PDGFD: variants seen among roughly 807,000 people sequenced by gnomAD.
The protein encoded by PDGFD is platelet-derived growth factor D.
A neutral mutation model predicts 44.7 loss-of-function variants in PDGFD; 30 were observed. The ratio of observed to expected loss-of-function variants is 0.67; its 90% confidence interval spans 0.50 to 0.91. PDGFD has a LOEUF of 0.91. Ranked by LOEUF, PDGFD falls within the 40% of genes least tolerant of loss-of-function variation. The pLI is 0.00. For missense variants in PDGFD, 445 were observed against 457.8 expected (o/e 0.97, Z 0.25); for synonymous variants, 173 against 168.4 (o/e 1.03, Z -0.21).
intron 1 of PDGFD, among the ~76,000 whole-genome samples, chr11:104,041,053 T>C (rs2134399001): frequency 6.6e-6 from 1 of 152,230 alleles, no homozygotes; most frequent in East Asian, 1.9e-4. Flanking sequence ...AACTGCAAAA[T>C]TCTTACAAAA....
chr11:104,043,596 G>A (rs1301542407), intron 1 of PDGFD, among the ~76,000 whole-genome samples: 1 of 152,066 alleles, frequency 6.6e-6, no homozygotes, highest in Non-Finnish European at 1.5e-5. Flanking sequence ...CCTGTGGCTG[G>A]GTAATTTTTA....
At chr11:104,056,030 T>C (rs1369612311) in intron 1 of PDGFD, among the ~76,000 whole-genome samples, 1 of 152,190 alleles carries the variant, frequency 6.6e-6, no homozygotes, top group African/African-American at 2.4e-5. Flanking sequence ...AAGTTTCTAA[T>C]ATGATATAAA....
intron 1 of PDGFD, among the ~76,000 whole-genome samples, chr11:104,161,997 C>A (rs561912388): frequency 3.3e-5 from 5 of 150,314 alleles, no homozygotes; most frequent in Admixed American, 1.3e-4. Flanking sequence ...AAAGTAACTG[C>A]AAAACAGTTT....
intron 1 of PDGFD, among the ~76,000 whole-genome samples, chr11:104,111,138 C>T (rs149886520): frequency 6.6e-6 from 1 of 152,042 alleles, no homozygotes; most frequent in East Asian, 1.9e-4. Flanking sequence ...TCCTAACAGA[C>T]TCATAGTTTA....
chr11:104,007,515 A>C (rs1472216511), intron 1 of PDGFD, among the ~76,000 whole-genome samples: 1 of 152,224 alleles, frequency 6.6e-6, no homozygotes, highest in African/African-American at 2.4e-5. Flanking sequence ...AAAATATTTG[A>C]TCAAACAGTG....
chr11:103,992,914 T>G (rs1429121612), intron 3 of PDGFD, among the ~76,000 whole-genome samples: 2 of 152,158 alleles, frequency 1.3e-5, no homozygotes, highest in Non-Finnish European at 2.9e-5. Context: ...GGAGAGTCAC[T>G]GAGGCAGGAA....
At chr11:104,008,187 T>G (rs1427386421) in intron 1 of PDGFD, among the ~76,000 whole-genome samples, 1 of 152,180 alleles carries the variant, frequency 6.6e-6, no homozygotes, top group Non-Finnish European at 1.5e-5. Flanking sequence ...GGCTGAATAA[T>G]GTGGCAGATT....
At chr11:104,045,864 C>T (rs1860433588) in intron 1 of PDGFD, among the ~76,000 whole-genome samples, 2 of 146,768 alleles carry the variant, frequency 1.4e-5, no homozygotes, top group African/African-American at 5.0e-5. Context: ...AATGTGCTTA[C>T]GAACAGGACA....
intron 1 of PDGFD, among the ~76,000 whole-genome samples, chr11:104,111,093 A>G (rs534667357): frequency 1.3e-5 from 2 of 152,140 alleles, no homozygotes; most frequent in Admixed American, 6.6e-5. Context: ...TAATATAACA[A>G]TAACACTGAT....
rs1229777754 is a variant in PDGFD, at chr11:104,045,839, G to C, written c.125-45584C>G. Among the ~76,000 whole-genome samples, 2 of 147,172 alleles carry C rather than the reference G, an allele frequency of 1.4e-5. 1 individual carries two copies. The highest frequency in any genetic ancestry group is 3.0e-5 in the Non-Finnish European group (2 of 66,020). ...AAAGGGGTGAGGTAAAAGACAAGCA[G>C]GTTTTTGATAAAGAAATGTGCTTAC... On this transcript the variant is annotated intron_variant, in intron 1 of 6. Coordinates refer to ENST00000393158, the MANE Select transcript of PDGFD (RefSeq NM_025208.5).
intron 1 of PDGFD, among the ~76,000 whole-genome samples, chr11:104,079,655 G>A (rs1350186168): frequency 6.6e-6 from 1 of 152,164 alleles, no homozygotes; most frequent in Non-Finnish European, 1.5e-5. Flanking sequence ...CCAAAGTGCT[G>A]GGATTATAGG....
At chr11:104,050,246 A>T (rs1860511232) in intron 1 of PDGFD, among the ~76,000 whole-genome samples, 1 of 152,092 alleles carries the variant, frequency 6.6e-6, no homozygotes, top group South Asian at 2.1e-4. Context: ...CGTGGGTGTA[A>T]ATGCAGGTAC....
At chr11:104,028,388 A>C (rs892990071) in intron 1 of PDGFD, among the ~76,000 whole-genome samples, 1 of 151,476 alleles carries the variant, frequency 6.6e-6, no homozygotes, top group Non-Finnish European at 1.5e-5. Context: ...CTACGAACAC[A>C]AATTATGGCT....
chr11:104,138,341 A>G (rs897939425), intron 1 of PDGFD, among the ~76,000 whole-genome samples: 1 of 152,232 alleles, frequency 6.6e-6, no homozygotes, highest in Admixed American at 6.5e-5. Context: ...TATTCTAGAC[A>G]AAAATTGGCA....
At chr11:104,117,128 A>C (rs1204379408) in intron 1 of PDGFD, among the ~76,000 whole-genome samples, 1 of 152,028 alleles carries the variant, frequency 6.6e-6, no homozygotes, top group Non-Finnish European at 1.5e-5. Context: ...TAAAAACAAA[A>C]ATCAAATGAT....
At chr11:103,924,781 G>GAAC (rs1858278720) in intron 6 of PDGFD, among the ~76,000 whole-genome samples, 1 of 152,122 alleles carries the variant, frequency 6.6e-6, no homozygotes, top group African/African-American at 2.4e-5. Context: ...TGTTTAGAGA[G>GAAC]AACTACCTAT....
intron 1 of PDGFD, among the ~76,000 whole-genome samples, chr11:104,159,988 C>T (rs1862366502): frequency 6.6e-6 from 1 of 152,172 alleles, no homozygotes; most frequent in African/African-American, 2.4e-5. Flanking sequence ...ACTTTAATAT[C>T]CTTAGAGCTG....
chr11:103,947,602 G>T, intron 4 of PDGFD, 60 bp downstream of exon 4: 1 of 1,340,044 alleles, frequency 7.5e-7, no homozygotes. Context: ...GTCCTTTTGG[G>T]GTTGACCTTA....
intron 3 of PDGFD, among the ~76,000 whole-genome samples, chr11:103,991,919 G>T (rs1859459968): frequency 6.6e-6 from 1 of 152,124 alleles, no homozygotes. Context: ...TGTTTGTTCA[G>T]TTCTCTGTAC....
Sources: allele counts gnomAD v4.1 joint callset (sites outside exome capture counted in the v4.1 genomes callset), GRCh38; gene constraint gnomAD v4.1.1; transcripts MANE v1.5; gene names NCBI Gene and HGNC (gene_info 2026-07-23, HGNC 2026-07-21).